CHD9: variants seen among roughly 807,000 people sequenced by gnomAD.
CHD9 encodes ATP-dependent chromatin remodeler CHD9.
In CHD9, 77 loss-of-function variants were observed where a neutral mutation model predicts 316.1. That is an observed-to-expected ratio of 0.24 (90% confidence interval 0.20 to 0.29). CHD9 has a LOEUF of 0.29. CHD9 is among the 10% of genes least tolerant of loss of function. CHD9 has a pLI of 1.00. For missense variants in CHD9, 2,763 were observed against 3,438.1 expected, an observed-to-expected ratio of 0.80 and a Z score of 4.91; for synonymous variants, 1,129 against 1,158.3, an observed-to-expected ratio of 0.97 and a Z score of 0.51.
At chr16:53,121,017 A>AGAAC (rs1208250806) in intron 1 of CHD9, among the ~76,000 whole-genome samples, 5 of 152,242 alleles carry the variant, frequency 3.3e-5, no homozygotes, top group Non-Finnish European at 7.3e-5. Flanking sequence ...AAAACAAACA[A>AGAAC]AAACAAACAA....
chr16:53,257,659 T>C (rs2050721137), intron 19 of CHD9, among the ~76,000 whole-genome samples: 1 of 152,158 alleles, frequency 6.6e-6, no homozygotes, highest in South Asian at 2.1e-4. Flanking sequence ...GTATTGGAGC[T>C]GTTGTATTTA....
intron 1 of CHD9, among the ~76,000 whole-genome samples, chr16:53,064,316 G>A (rs116569343): frequency 1.6e-3 from 238 of 152,298 alleles, no homozygotes; most frequent in African/African-American, 5.6e-3. Context: ...TTCCCCTCCA[G>A]CACAGGGCCT....
chr16:53,060,253 T>C (rs1233250121), intron 1 of CHD9, among the ~76,000 whole-genome samples: 1 of 152,000 alleles, frequency 6.6e-6, no homozygotes, highest in Non-Finnish European at 1.5e-5. Flanking sequence ...GGCAGTAGGC[T>C]GGATGTGGCC....
chr16:53,126,041 A>C (rs1414845935), intron 1 of CHD9, among the ~76,000 whole-genome samples: 1 of 152,164 alleles, frequency 6.6e-6, no homozygotes, highest in East Asian at 1.9e-4. Flanking sequence ...CTTGTATGAA[A>C]GTTTTTAATT....
intron 2 of CHD9, among the ~76,000 whole-genome samples, chr16:53,175,106 G>C (rs1481259999): frequency 6.6e-6 from 1 of 152,128 alleles, no homozygotes; most frequent in Non-Finnish European, 1.5e-5. Context: ...TTTTACTGTG[G>C]CTAATGGGAA....
Position 53,156,324 on chromosome 16 carries a change from T to G in CHD9, c.235T>G (p.Phe79Val). The change falls in exon 2 of 39, where the codon TTT (phenylalanine) becomes GTT (valine). Residue 79 changes from phenylalanine (F) to valine (V), a missense_variant. Physicochemically the swap from Phe to Val is conservative, Grantham distance 50. Transcript: ENST00000447540. ...GTTAAATCAATTTGATTCAATAAAA[T>G]TTCACCATGTTAATCAATCTTTTGG... ...EQLNQFDSIKFHHVNQSFGSP... is the reference protein window; with the variant it reads ...EQLNQFDSIKVHHVNQSFGSP... The G allele has an allele frequency of 6.2e-7, 1 of 1,613,994 alleles. No individual in the cohort carries two copies. Among genetic ancestry groups the G allele is most frequent in the Non-Finnish European group, 8.5e-7 (1 of 1,179,866 alleles).
chr16:53,067,989 G>T (rs900613288), intron 1 of CHD9, among the ~76,000 whole-genome samples: 1 of 152,166 alleles, frequency 6.6e-6, no homozygotes, highest in Admixed American at 6.5e-5. Flanking sequence ...AGCCCAGGAG[G>T]TCAAGTCTGC....
At chr16:53,166,493 A>G (rs2042275232) in intron 2 of CHD9, among the ~76,000 whole-genome samples, 1 of 152,178 alleles carries the variant, frequency 6.6e-6, no homozygotes, top group Non-Finnish European at 1.5e-5. Flanking sequence ...CAGATACCTT[A>G]GGACTACTCA....
At chr16:53,148,448 C>T (rs970761866) in intron 1 of CHD9, among the ~76,000 whole-genome samples, 3 of 152,148 alleles carry the variant, frequency 2.0e-5, no homozygotes, top group African/African-American at 7.2e-5. Context: ...TCCACAGTGG[C>T]TATACCATTT....
chr16:53,276,595 C>T (rs931317634), intron 24 of CHD9, among the ~76,000 whole-genome samples: 2 of 152,090 alleles, frequency 1.3e-5, no homozygotes, highest in Non-Finnish European at 2.9e-5. Flanking sequence ...TAGAAATGTC[C>T]CTCCTCCTAA....
chr16:53,311,831 G>A (rs549721449), intron 34 of CHD9: 7 of 152,284 alleles, frequency 4.6e-5, no homozygotes, highest in Admixed American at 1.3e-4. Flanking sequence ...TTTATAAAAT[G>A]AGCTTAATAA....
intron 1 of CHD9, among the ~76,000 whole-genome samples, chr16:53,109,677 CTTTTTTTTTTT>C (rs1166073629): frequency 1.5e-3 from 110 of 71,606 alleles, no homozygotes; most frequent in Admixed American, 2.2e-3. Context: ...TTCCCAGTTT[CTTTTTTTTTTT>C]TTTTTTTTTT....
rs548533364 is a variant in CHD9, at chr16:53,236,501, C to T, written c.2633+1195C>T. ...CTTCTCTTTTATATCTCCAGGCCAT[C>T]CCTGAAGACTATTGCCATCCCTTCA... On this transcript the variant is annotated intron_variant, in intron 11 of 38. Transcript: ENST00000447540. Among the ~76,000 whole-genome samples the T allele has an allele frequency of 2.0e-5, 3 of 152,112 alleles. 1 individual carries two copies. In the South Asian group the frequency reaches 6.2e-4, roughly 32 times the overall value.
chr16:53,094,305 CAG>C, intron 1 of CHD9, among the ~76,000 whole-genome samples: 1 of 152,156 alleles, frequency 6.6e-6, no homozygotes, highest in East Asian at 1.9e-4. Flanking sequence ...TCTGAGAACA[CAG>C]GAACTGGAAG....
At chr16:53,107,324 G>A (rs931289501) in intron 1 of CHD9, among the ~76,000 whole-genome samples, 3 of 151,914 alleles carry the variant, frequency 2.0e-5, no homozygotes, top group African/African-American at 7.3e-5. Context: ...GCTGGGTGTG[G>A]TGGTGTGCGC....
chr16:53,089,733 A>G (rs1460595693), intron 1 of CHD9, among the ~76,000 whole-genome samples: 1 of 152,216 alleles, frequency 6.6e-6, no homozygotes, highest in Admixed American at 6.5e-5. Context: ...TCACCCACCC[A>G]GGTTCATTCC....
chr16:53,106,657 T>TATACAC lies in CHD9; in HGVS notation c.-164-49268_-164-49267insTACACA, dbSNP rs1555484430. Among the ~76,000 whole-genome samples, 1,343 of 150,702 alleles carry TATACAC rather than the reference T, an allele frequency of 8.9e-3. 12 individuals are homozygous for TATACAC. Among genetic ancestry groups the TATACAC allele is most frequent in the African/African-American group, 0.03 (1,252 of 41,116 alleles). ...TGCAACTGCCTCAGACACACATACA[T>TATACAC]ACACACACACACACACACACACAGC... On this transcript the variant is annotated intron_variant, in intron 1 of 38. Transcript: ENST00000447540.
intron 2 of CHD9, among the ~76,000 whole-genome samples, chr16:53,163,676 C>A (rs1185629549): frequency 2.0e-5 from 3 of 151,990 alleles, no homozygotes; most frequent in Non-Finnish European, 4.4e-5. Context: ...GGTTTAGCAA[C>A]CATTGTAATG....
intron 3 of CHD9, among the ~76,000 whole-genome samples, chr16:53,222,290 G>A (rs191894148): frequency 2.6e-5 from 4 of 152,134 alleles, no homozygotes; most frequent in Non-Finnish European, 2.9e-5. Flanking sequence ...TAGCCAGGCT[G>A]GTCTCGAACT....
Sources: gnomAD v4.1 joint callset for allele counts (sites outside exome capture counted in the v4.1 genomes callset) on GRCh38, gnomAD v4.1.1 for gene constraint, MANE v1.5 for transcripts, NCBI Gene and HGNC (gene_info 2026-07-23, HGNC 2026-07-21) for gene names.